Variants in ATXN7 observed in about 807,000 individuals in gnomAD.
ATXN7 encodes ataxin 7.
Under a neutral mutation model 70.5 loss-of-function variants are expected in ATXN7, and 12 were observed. That is an observed-to-expected ratio of 0.17 (90% confidence interval 0.11 to 0.28). The LOEUF is 0.28. ATXN7 is among the 10% of genes least tolerant of loss of function. The pLI, the probability that ATXN7 is intolerant of heterozygous loss-of-function variation, is 1.00. For missense variants in ATXN7, 1,256 were observed against 1,131.7 expected (o/e 1.11, Z -1.58); for synonymous variants, 498 against 448.7 (o/e 1.11, Z -1.39).
At chr3:63,925,433 A>G (rs537906022) in intron 4 of ATXN7, among the ~76,000 whole-genome samples, 11 of 152,254 alleles carry the variant, frequency 7.2e-5, no homozygotes, top group South Asian at 4.1e-4. Context: ...TGTCAGATCA[A>G]TGGCATTAGA....
chr3:63,927,843 C>T (rs978844061), intron 4 of ATXN7, among the ~76,000 whole-genome samples: 3 of 152,144 alleles, frequency 2.0e-5, no homozygotes, highest in Admixed American at 2.0e-4. Context: ...TTCTGTTCCT[C>T]TTATCTTAGC....
intron 2 of ATXN7, among the ~76,000 whole-genome samples, chr3:63,906,607 G>A (rs1047220046): frequency 6.6e-6 from 1 of 152,180 alleles, no homozygotes; most frequent in Non-Finnish European, 1.5e-5. Flanking sequence ...ATATAGAGGT[G>A]GGGATGAGTT....
At chr3:63,967,696 C>A in intron 5 of ATXN7, 1 of 1,115,088 alleles carries the variant, frequency 9.0e-7, no homozygotes, top group Non-Finnish European at 1.2e-6. Flanking sequence ...TTACACCAGC[C>A]AGGACGCCTT....
intron 1 of ATXN7, among the ~76,000 whole-genome samples, chr3:63,876,072 A>C (rs1702740886): frequency 6.6e-6 from 1 of 152,172 alleles, no homozygotes; most frequent in Non-Finnish European, 1.5e-5. Context: ...ACTAGTCAAA[A>C]AACTATTTTT....
intron 5 of ATXN7, among the ~76,000 whole-genome samples, chr3:63,963,960 A>G (rs550672555): frequency 2.6e-5 from 4 of 152,136 alleles, no homozygotes; most frequent in East Asian, 1.9e-4. Flanking sequence ...GTAATGCTTT[A>G]TATCTCTACC....
intron 1 of ATXN7, among the ~76,000 whole-genome samples, chr3:63,877,081 A>C (rs982392130): frequency 2.0e-5 from 3 of 152,174 alleles, no homozygotes; most frequent in African/African-American, 7.2e-5. Context: ...TTAAGAGCAA[A>C]GTCCATAGAA....
intron 2 of ATXN7, among the ~76,000 whole-genome samples, chr3:63,902,566 G>A (rs571882332): frequency 2.1e-4 from 32 of 152,266 alleles, no homozygotes; most frequent in African/African-American, 5.8e-4. Flanking sequence ...GTCTTTGTAA[G>A]GGGGAGCGGT....
chr3:63,987,957 TG>T, intron 8 of ATXN7, 101 bp from the exon 9 acceptor site: 1 of 1,387,868 alleles, frequency 7.2e-7, no homozygotes, highest in Non-Finnish European at 9.9e-7. Flanking sequence ...ACTATGCTTA[TG>T]GTCTAGATTG....
chr3:63,986,263 G>A (rs2075576603), intron 8 of ATXN7, among the ~76,000 whole-genome samples: 1 of 152,222 alleles, frequency 6.6e-6, no homozygotes, highest in Non-Finnish European at 1.5e-5. Flanking sequence ...GGGTCTTAGA[G>A]TGTGCAGGGT....
At chr3:63,938,357 A>G (rs1254886043) in intron 4 of ATXN7, among the ~76,000 whole-genome samples, 1 of 152,230 alleles carries the variant, frequency 6.6e-6, no homozygotes, top group East Asian at 1.9e-4. Context: ...AGTATTTCCC[A>G]GTGGTAATAA....
chr3:63,875,014 C>T (rs774508897), intron 1 of ATXN7, among the ~76,000 whole-genome samples: 4 of 152,162 alleles, frequency 2.6e-5, no homozygotes, highest in Non-Finnish European at 5.9e-5. Context: ...TTCGTAATGG[C>T]ACTAATCCTA....
intron 12 of ATXN7, 116 bp downstream of exon 12, chr3:63,996,599 A>C: frequency 1.5e-6 from 1 of 666,004 alleles, no homozygotes; most frequent in Non-Finnish European, 2.3e-6. Context: ...ACAGATATTC[A>C]GCTTCATGGT....
chr3:63,942,346 A>G (rs2074783167), intron 4 of ATXN7, among the ~76,000 whole-genome samples: 1 of 152,190 alleles, frequency 6.6e-6, no homozygotes, highest in Admixed American at 6.5e-5. Flanking sequence ...CTTGCTTTCT[A>G]TAAAGTAGGT....
At chr3:63,979,826 G>T in intron 5 of ATXN7, 89 bp from the exon 6 acceptor site, 1 of 1,564,972 alleles carries the variant, frequency 6.4e-7, no homozygotes, top group Non-Finnish European at 8.7e-7. Context: ...GTTTTAACCT[G>T]AATATATTGA....
intron 1 of ATXN7, among the ~76,000 whole-genome samples, chr3:63,878,782 T>C (rs1234820012): frequency 6.6e-6 from 1 of 152,148 alleles, no homozygotes; most frequent in Admixed American, 6.5e-5. Flanking sequence ...CCATAGTGGA[T>C]GGGCTGTTAA....
At chr3:63,993,435 G>A (rs1323305454) in intron 11 of ATXN7, among the ~76,000 whole-genome samples, 2 of 150,686 alleles carry the variant, frequency 1.3e-5, no homozygotes, top group Non-Finnish European at 3.0e-5. Context: ...GGGGGTGACA[G>A]AGCGAGACTC....
chr3:63,988,738 C>T (rs527289244), intron 9 of ATXN7, among the ~76,000 whole-genome samples: 3 of 152,342 alleles, frequency 2.0e-5, no homozygotes, highest in South Asian at 4.1e-4. Context: ...GTTTTTACAG[C>T]ATCCGTTTAT....
chr3:63,940,501 A>C (rs192548908), intron 4 of ATXN7, among the ~76,000 whole-genome samples: 5 of 152,312 alleles, frequency 3.3e-5, no homozygotes, highest in Admixed American at 2.0e-4. Context: ...TGCAATGAAC[A>C]AAAGAAGGAA....
At chr3:63,896,784 G>A (rs1703461322) in intron 1 of ATXN7, among the ~76,000 whole-genome samples, 1 of 152,020 alleles carries the variant, frequency 6.6e-6, no homozygotes, top group Non-Finnish European at 1.5e-5. Context: ...TTCCTATAAA[G>A]CATTTTTACA....
Sources: allele counts gnomAD v4.1 joint callset (sites outside exome capture counted in the v4.1 genomes callset), GRCh38; gene constraint gnomAD v4.1.1; transcripts MANE v1.5; gene names NCBI Gene and HGNC (gene_info 2026-07-23, HGNC 2026-07-21).